Variants in MTMR7 observed in about 807,000 individuals in gnomAD.
MTMR7 encodes myotubularin related protein 7, also known as phosphatidylinositol-3-phosphate phosphatase MTMR7.
Under a neutral mutation model 81.2 loss-of-function variants are expected in MTMR7, and 76 were observed. The ratio of observed to expected loss-of-function variants is 0.94; its 90% confidence interval spans 0.78 to 1.13. MTMR7 has a LOEUF of 1.13. MTMR7 is among the 50% of genes most tolerant of loss of function. The pLI, the probability that MTMR7 is intolerant of heterozygous loss-of-function variation, is 0.00. For missense variants in MTMR7, 1,044 were observed against 820.0 expected (o/e 1.27, Z -3.34); for synonymous variants, 372 against 289.8 (o/e 1.28, Z -2.88).
intron 4 of MTMR7, among the ~76,000 whole-genome samples, chr8:17,350,209 G>A (rs565142629): frequency 5.9e-5 from 9 of 152,252 alleles, no homozygotes; most frequent in African/African-American, 1.4e-4. Context: ...CATCTTCCTC[G>A]TCATCTCAAG....
intron 1 of MTMR7, among the ~76,000 whole-genome samples, chr8:17,376,427 T>C (rs552042500): frequency 2.8e-4 from 43 of 152,360 alleles, no homozygotes; most frequent in Admixed American, 1.2e-3. Flanking sequence ...TATGGACATA[T>C]GCTTTCATTT....
chr8:17,374,341 G>A (rs1820507418), intron 1 of MTMR7, among the ~76,000 whole-genome samples: 2 of 152,036 alleles, frequency 1.3e-5, no homozygotes, highest in Admixed American at 6.6e-5. Flanking sequence ...TACAAAAATT[G>A]GCCGGGAGCG....
At chr8:17,370,735 A>G (rs1028319342) in intron 3 of MTMR7, among the ~76,000 whole-genome samples, 3 of 152,056 alleles carry the variant, frequency 2.0e-5, no homozygotes, top group African/African-American at 7.2e-5. Context: ...TTACCACAAT[A>G]TAAGAAGTGC....
chr8:17,305,494 C>A (rs1220208665), intron 11 of MTMR7, among the ~76,000 whole-genome samples: 1 of 152,094 alleles, frequency 6.6e-6, no homozygotes, highest in Non-Finnish European at 1.5e-5. Flanking sequence ...CCAGAAAATT[C>A]CCTTTCGATA....
intron 7 of MTMR7, among the ~76,000 whole-genome samples, chr8:17,323,456 C>T (rs144126854): frequency 1.8e-4 from 28 of 152,096 alleles, no homozygotes; most frequent in Admixed American, 3.3e-4. Flanking sequence ...TAAAATCTAA[C>T]AGGGAACTCC....
At chr8:17,369,333 G>A (rs1479350248) in intron 3 of MTMR7, among the ~76,000 whole-genome samples, 1 of 152,164 alleles carries the variant, frequency 6.6e-6, no homozygotes, top group Non-Finnish European at 1.5e-5. Context: ...AAGAGTAACA[G>A]TGCAAAGTAA....
chr8:17,308,389 T>C (rs1386637164), intron 10 of MTMR7, among the ~76,000 whole-genome samples: 1 of 152,168 alleles, frequency 6.6e-6, no homozygotes, highest in East Asian at 1.9e-4. Context: ...CATTGGTAAA[T>C]GGAATTCCTA....
In MTMR7 at chr8:17,299,629, G is replaced by T; in HGVS notation, c.*233C>A. On this transcript the variant is annotated 3_prime_UTR_variant, in exon 14 of 14. Transcript: ENST00000180173. ...AGTGAATATAATTTTCATAGTCTAG[G>T]GTGAGCTTCAAAATGGTGAATAATT... 1 of 544,192 alleles carries T rather than the reference G, an allele frequency of 1.8e-6. No homozygotes were observed. Among genetic ancestry groups the T allele is most frequent in the African/African-American group, 1.9e-5 (1 of 52,978 alleles). 33.7% of individuals were successfully genotyped at this position (544,192 alleles called of 1,614,324 possible).
At chr8:17,326,254 C>G (rs1459554313) in intron 7 of MTMR7, 2 of 152,148 alleles carry the variant, frequency 1.3e-5, no homozygotes, top group Non-Finnish European at 2.9e-5. Context: ...TGAGCTGAAA[C>G]AGGTTTCTCA....
intron 4 of MTMR7, among the ~76,000 whole-genome samples, chr8:17,359,584 T>TAAAAAAA (rs11400421): frequency 0.04 from 5,419 of 135,236 alleles, 259 homozygotes; most frequent in African/African-American, 0.11. Flanking sequence ...CCTGTTTCCT[T>TAAAAAAA]AAAAAAAAAA....
chr8:17,342,355 G>C (rs1340064402), intron 5 of MTMR7, among the ~76,000 whole-genome samples: 4 of 152,192 alleles, frequency 2.6e-5, no homozygotes, highest in African/African-American at 9.7e-5. Flanking sequence ...GAGACTGTAA[G>C]TCCACAGTGT....
chr8:17,396,913 G>C (rs1055326615), intron 1 of MTMR7, among the ~76,000 whole-genome samples: 2 of 151,984 alleles, frequency 1.3e-5, no homozygotes, highest in East Asian at 3.9e-4. Context: ...GGCAGAGTTA[G>C]TTGTGAGGCC....
In MTMR7 at chr8:17,311,543, CCAG is replaced by C; in HGVS notation, c.1066_1068del (p.Leu356del). The C allele has an allele frequency of 1.2e-6, 2 of 1,614,062 alleles. No individual in the cohort carries two copies. The highest frequency in any genetic ancestry group is 2.2e-5 in the East Asian group (1 of 44,860). On this transcript the variant is annotated inframe_deletion, in exon 9 of 14. Transcript: ENST00000180173. Reference sequence around the variant, plus strand: ...CCCTTCAGAGTCCGGTAGTGAGGGTCCAGCAGCAGGCTTGCCACCGAGCACACC... The same window carrying C: ...CCCTTCAGAGTCCGGTAGTGAGGGTCCAGCAGGCTTGCCACCGAGCACACC...
intron 2 of MTMR7, among the ~76,000 whole-genome samples, chr8:17,371,847 T>C (rs1035436001): frequency 1.0e-4 from 15 of 145,246 alleles, no homozygotes; most frequent in South Asian, 2.3e-4. Flanking sequence ...ATCACTTACC[T>C]ATAGTTTTTT....
chr8:17,394,971 G>C (rs1821207749), intron 1 of MTMR7, among the ~76,000 whole-genome samples: 1 of 152,102 alleles, frequency 6.6e-6, no homozygotes, highest in African/African-American at 2.4e-5. Flanking sequence ...GTATAATTCA[G>C]TGGCGTTAAG....
intron 10 of MTMR7, among the ~76,000 whole-genome samples, chr8:17,307,211 A>T (rs968387762): frequency 6.6e-6 from 1 of 152,192 alleles, no homozygotes; most frequent in African/African-American, 2.4e-5. Context: ...CAACCCCATC[A>T]AAAAGTGGGC....
chr8:17,311,715 C>A, intron 8 of MTMR7, 79 bp from the exon 9 acceptor site: 2 of 1,596,830 alleles, frequency 1.3e-6, no homozygotes, highest in Non-Finnish European at 1.7e-6. Flanking sequence ...CCAGGTTTGA[C>A]TGTATATTTA....
At chr8:17,354,869 T>C (rs1006243831) in intron 4 of MTMR7, among the ~76,000 whole-genome samples, 1 of 152,224 alleles carries the variant, frequency 6.6e-6, no homozygotes, top group Non-Finnish European at 1.5e-5. Context: ...GGATACATCA[T>C]CTTCCTCCCA....
intron 5 of MTMR7, among the ~76,000 whole-genome samples, chr8:17,347,101 G>A (rs1315491057): frequency 2.0e-5 from 3 of 151,464 alleles, no homozygotes; most frequent in African/African-American, 7.3e-5. Context: ...GGCTGAGATG[G>A]GAAGATCACT....
Sources: allele counts gnomAD v4.1 joint callset (sites outside exome capture counted in the v4.1 genomes callset), GRCh38; gene constraint gnomAD v4.1.1; transcripts MANE v1.5; gene names NCBI Gene and HGNC (gene_info 2026-07-23, HGNC 2026-07-21).